The following MED14 variants were observed in gnomAD, a reference collection of about 807,000 sequenced individuals.
The protein encoded by MED14 is mediator complex subunit 14.
Under a neutral mutation model 109.0 loss-of-function variants are expected in MED14, and 8 were observed. The observed-to-expected ratio is 0.07, with a 90% CI of 0.04 to 0.13. The LOEUF is 0.13. MED14 is among the 10% of genes least tolerant of loss of function. MED14 has a pLI of 1.00. For synonymous variants in MED14, 399 were observed against 408.7 expected (o/e 0.98, Z 0.29); for missense variants, 711 against 1,142.4 (o/e 0.62, Z 5.44).
At chrX:40,660,499 T>C (rs898700868) in intron 26 of MED14, among the ~76,000 whole-genome samples, 23 of 112,303 alleles carry the variant, frequency 2.0e-4, no homozygotes, top group African/African-American at 7.1e-4. Flanking sequence ...CTATATGGTC[T>C]CTGTCACAAT....
intron 24 of MED14, among the ~76,000 whole-genome samples, 199 bp downstream of exon 24, chrX:40,666,521 G>A (rs769043232): frequency 9.9e-4 from 110 of 111,092 alleles, no homozygotes; most frequent in African/African-American, 3.4e-3. Flanking sequence ...GCAAGGGAGA[G>A]TCCAAGGCAG....
At chrX:40,670,875 A>C (rs1929706092) in intron 23 of MED14, among the ~76,000 whole-genome samples, 1 of 112,607 alleles carries the variant, frequency 8.9e-6, no homozygotes, top group Non-Finnish European at 1.9e-5. Context: ...TTGCTACTTA[A>C]AAAATTAACG....
At position 40,680,137 on chromosome X, in the gene MED14, T is replaced by C. The variant is rs1658515261; in HGVS notation, c.2611-4A>G. On this transcript the variant is annotated splice_region_variant and splice_polypyrimidine_tract_variant and intron_variant, in intron 20 of 30. Coordinates refer to ENST00000324817, the MANE Select transcript of MED14 (RefSeq NM_004229.4). ...GAGCCTGAGTATCAAACAGTACCTA[T>C]AAGGAACAAACACAGTGAGAGCAGC... The C allele has an allele frequency of 8.3e-7, 1 of 1,206,102 alleles. No homozygotes were observed. Among genetic ancestry groups the C allele is most frequent in the African/African-American group, 1.8e-5 (1 of 56,859 alleles).
intron 3 of MED14, among the ~76,000 whole-genome samples, chrX:40,723,212 A>C (rs1931778619): frequency 8.9e-6 from 1 of 112,348 alleles, no homozygotes; most frequent in African/African-American, 3.2e-5. Context: ...CTAAAGAGAA[A>C]CAAAAAAGTT....
chrX:40,679,133 C>T (rs115998211), intron 21 of MED14, among the ~76,000 whole-genome samples: 281 of 112,303 alleles, frequency 2.5e-3, no homozygotes, highest in African/African-American at 8.7e-3. Flanking sequence ...CAGGACCTTA[C>T]ATTTTTAAAA....
chrX:40,667,991 G>A (rs1020876318), intron 23 of MED14, among the ~76,000 whole-genome samples: 2 of 111,870 alleles, frequency 1.8e-5, no homozygotes, highest in Non-Finnish European at 3.8e-5. Flanking sequence ...GAGGAGCACT[G>A]GGGCAGTGAA....
chrX:40,652,666 A>G (rs1928918134), intron 30 of MED14, among the ~76,000 whole-genome samples: 1 of 111,919 alleles, frequency 8.9e-6, no homozygotes, highest in East Asian at 2.8e-4. Flanking sequence ...AGTATGGTAC[A>G]CCAACAATCC....
chrX:40,683,144 A>G (rs1930181998), intron 16 of MED14, 148 bp from the exon 17 acceptor site: 1 of 432,152 alleles, frequency 2.3e-6, no homozygotes, highest in Non-Finnish European at 3.9e-6. Context: ...CACAGCAATT[A>G]ATAGTATTTA....
chrX:40,651,219 G>A lies in MED14; in HGVS notation c.*587C>T. On this transcript the variant is annotated 3_prime_UTR_variant, in exon 31 of 31. Transcript: ENST00000324817. The stretch of plus-strand genomic sequence containing the variant: ...CCATCCACCAGGTTAAAGATGAAGG[G>A]AGGGCCTAAGATGTCTCTAGAGTTT... 1 of 750,529 alleles carries A rather than the reference G, an allele frequency of 1.3e-6. No individual in the cohort carries two copies. The highest frequency in any genetic ancestry group is 1.6e-6 in the Non-Finnish European group (1 of 635,683). The allele number at this position is 750,529 out of a possible 1,213,427, so 61.9% of individuals were successfully genotyped here.
At chrX:40,700,217 A>G (rs752445297) in intron 12 of MED14, among the ~76,000 whole-genome samples, 9 of 108,326 alleles carry the variant, frequency 8.3e-5, no homozygotes, top group Non-Finnish European at 1.1e-4. Flanking sequence ...TTGGCTGGGC[A>G]TGGTAGTATG....
rs1422718425 is a variant in MED14 at position 40,726,862 on chromosome X, A to G, written c.243-11T>C. 2 of 1,159,833 alleles carry G rather than the reference A, an allele frequency of 1.7e-6. No individual in the cohort carries two copies. Among genetic ancestry groups the G allele is most frequent in the African/African-American group, 3.6e-5 (2 of 55,967 alleles). On this transcript the variant is annotated splice_polypyrimidine_tract_variant and intron_variant, in intron 2 of 30. Coordinates refer to ENST00000324817, the MANE Select transcript of MED14 (RefSeq NM_004229.4). ...ACTATTTCTATTTTCCTATAAAATA[A>G]AACAACTCTTAATGAACCAACATAT...
chrX:40,654,080 G>A, intron 30 of MED14: 1 of 283,045 alleles, frequency 3.5e-6, no homozygotes, highest in East Asian at 5.9e-5. Context: ...TTGTGGCAAT[G>A]TGTGCTATAA....
Position 40,650,775 on chromosome X carries a change from T to C in MED14, c.*1031A>G, listed in dbSNP as rs1928840351. On this transcript the variant is annotated 3_prime_UTR_variant, in exon 31 of 31. Transcript: ENST00000324817. Reference sequence around the variant, plus strand: ...GACAATGAATTAAATTGAAATTGTTTAGAACAATCCCAATTTTGGTGGGGA... The same window carrying C: ...GACAATGAATTAAATTGAAATTGTTCAGAACAATCCCAATTTTGGTGGGGA... 2 of 752,481 alleles carry C rather than the reference T, an allele frequency of 2.7e-6. No individual in the cohort carries two copies. Among genetic ancestry groups the C allele is most frequent in the African/African-American group, 4.6e-5 (2 of 43,268 alleles). The allele number at this position is 752,481 out of a possible 1,213,427, so 62.0% of individuals were successfully genotyped here. A position where few individuals can be genotyped will look rare whatever the true frequency, so the allele number is the denominator to read the frequency against.
rs1046863466 is a variant in MED14 at position 40,735,312 on chromosome X, C to G, written c.101G>C (p.Gly34Ala). ...TGCAGCGGCCGCCGCCACGGCGGCTCCCGGGGGAGGAGGGGCTGGGGCTGA... is the reference window on the plus strand; with the variant it reads ...TGCAGCGGCCGCCGCCACGGCGGCTGCCGGGGGAGGAGGGGCTGGGGCTGA... Reference protein sequence around the residue: ...PPSAPAPPPPGAAVAAAAAAA... With the variant: ...PPSAPAPPPPAAAVAAAAAAA... Residue 34 changes from glycine to alanine, a missense_variant, in exon 1 of 31, where the codon GGA (glycine) becomes GCA (alanine). By Grantham distance (60) the Gly-to-Ala change is moderately conservative (BLOSUM62 0). Coordinates refer to ENST00000324817, the MANE Select transcript of MED14 (RefSeq NM_004229.4). The G allele has an allele frequency of 2.7e-6, 3 of 1,124,402 alleles. No individual in the cohort carries two copies. The highest frequency in any genetic ancestry group is 3.5e-6 in the Non-Finnish European group (3 of 852,799). The allele number at this position is 1,124,402 out of a possible 1,213,427, so 92.7% of individuals were successfully genotyped here. A position where few individuals can be genotyped will look rare whatever the true frequency, so the allele number is the denominator to read the frequency against.
At chrX:40,700,036 C>T (rs904714941) in intron 12 of MED14, among the ~76,000 whole-genome samples, 9 of 110,659 alleles carry the variant, frequency 8.1e-5, no homozygotes, top group African/African-American at 3.0e-4. Context: ...GTAATCCCAG[C>T]CATTCGGAAG....
intron 15 of MED14, among the ~76,000 whole-genome samples, chrX:40,689,647 C>T (rs987639058): frequency 6.4e-5 from 7 of 108,587 alleles, no homozygotes; most frequent in African/African-American, 2.4e-4. Context: ...GCCAAGATTG[C>T]GCCATTGCAC....
chrX:40,723,334 G>A (rs1339205398), intron 3 of MED14, among the ~76,000 whole-genome samples: 1 of 111,782 alleles, frequency 8.9e-6, no homozygotes, highest in African/African-American at 3.3e-5. Flanking sequence ...TGGGTTAAAA[G>A]ACAGTATTTG....
At chrX:40,689,523 G>A (rs758700312) in intron 15 of MED14, among the ~76,000 whole-genome samples, 31 of 110,496 alleles carry the variant, frequency 2.8e-4, no homozygotes, top group Non-Finnish European at 4.7e-4. Flanking sequence ...GTAAAACCCC[G>A]TCTCTACTAA....
Position 40,650,499 on chromosome X carries a change from T to C in MED14, c.*1307A>G, listed in dbSNP as rs1447985796. On this transcript the variant is annotated 3_prime_UTR_variant, in exon 31 of 31. Transcript: ENST00000324817. ...GTGACCAGGTAACTCGGCATGGTATTATCACTTAAAAATTTTTCCTAAATA... is the reference window on the plus strand; with the variant it reads ...GTGACCAGGTAACTCGGCATGGTATCATCACTTAAAAATTTTTCCTAAATA... 1.3e-6 allele frequency: 1 copy of C among 752,374 alleles called. No homozygotes were observed. Among genetic ancestry groups the C allele is most frequent in the Non-Finnish European group, 1.6e-6 (1 of 638,801 alleles). The allele number at this position is 752,374 out of a possible 1,213,427, so 62.0% of individuals were successfully genotyped here.
Sources: allele counts gnomAD v4.1 joint callset (sites outside exome capture counted in the v4.1 genomes callset), GRCh38; gene constraint gnomAD v4.1.1; transcripts MANE v1.5; gene names NCBI Gene and HGNC (gene_info 2026-07-23, HGNC 2026-07-21).